Variants in DENND1B observed in about 807,000 individuals in gnomAD.
The protein encoded by DENND1B is DENN domain containing 1B, also known as DENN domain-containing protein 1B.
DENND1B carries 59 observed loss-of-function variants against 90.1 expected under a neutral mutation model. The observed-to-expected ratio is 0.65, with a 90% confidence interval of 0.53 to 0.81. The LOEUF (loss-of-function observed/expected upper bound fraction) is 0.81. DENND1B is among the 40% of genes least tolerant of loss of function. The pLI, the probability that DENND1B is intolerant of heterozygous loss-of-function variation, is 0.00. For synonymous variants in DENND1B, 337 were observed against 324.6 expected (o/e 1.04, Z -0.41); for missense variants, 862 against 912.6 (o/e 0.94, Z 0.71).
chr1:197,759,733 A>T (rs1654778546), intron 2 of DENND1B, among the ~76,000 whole-genome samples: 1 of 114,768 alleles, frequency 8.7e-6, no homozygotes, highest in Admixed American at 1.1e-4. Flanking sequence ...ATTGAGCAAG[A>T]CTCCGTCTCA....
At chr1:197,728,671 C>A (rs1361479092) in intron 2 of DENND1B, among the ~76,000 whole-genome samples, 2 of 152,096 alleles carry the variant, frequency 1.3e-5, no homozygotes, top group Non-Finnish European at 2.9e-5. Flanking sequence ...ATTCTTATTG[C>A]CTAATTAGTC....
At chr1:197,774,574 A>G (rs1657026625) in intron 1 of DENND1B, 1 of 152,324 alleles carries the variant, frequency 6.6e-6, no homozygotes, top group South Asian at 2.1e-4. Flanking sequence ...TGCAAGAACC[A>G]TGCATCTACA....
At chr1:197,593,666 C>T (rs1675436188) in intron 14 of DENND1B, among the ~76,000 whole-genome samples, 1 of 151,952 alleles carries the variant, frequency 6.6e-6, no homozygotes, top group Non-Finnish European at 1.5e-5. Context: ...CAGCACCCAA[C>T]AAACTGATAG....
intron 2 of DENND1B, among the ~76,000 whole-genome samples, chr1:197,748,128 A>C (rs935594452): frequency 6.6e-5 from 10 of 152,194 alleles, no homozygotes; most frequent in African/African-American, 9.6e-5. Context: ...TCCATCAAAA[A>C]TTTGATTGCC....
chr1:197,690,062 G>C, intron 3 of DENND1B: 1 of 173,604 alleles, frequency 5.8e-6, no homozygotes, highest in Non-Finnish European at 1.2e-5. Context: ...GGCTAGTGGA[G>C]ACTGCTATTC....
chr1:197,639,414 A>G (rs1680082800), intron 10 of DENND1B, among the ~76,000 whole-genome samples: 1 of 152,162 alleles, frequency 6.6e-6, no homozygotes, highest in Admixed American at 6.5e-5. Context: ...AGGAACCTCA[A>G]GCTAGCTGAT....
At chr1:197,751,242 C>T (rs1653467539) in intron 2 of DENND1B, among the ~76,000 whole-genome samples, 1 of 152,076 alleles carries the variant, frequency 6.6e-6, no homozygotes, top group South Asian at 2.1e-4. Context: ...TGTTCTCTGA[C>T]CTAAATCAAA....
intron 15 of DENND1B, among the ~76,000 whole-genome samples, chr1:197,577,199 C>G (rs996391562): frequency 2.0e-5 from 3 of 152,074 alleles, no homozygotes; most frequent in Admixed American, 6.6e-5. Context: ...TTCTATAACT[C>G]AGACATGAAC....
intron 3 of DENND1B, among the ~76,000 whole-genome samples, chr1:197,707,654 T>C (rs1659711308): frequency 6.8e-6 from 1 of 146,758 alleles, no homozygotes; most frequent in African/African-American, 2.5e-5. Context: ...TATACATATA[T>C]TATATACATA....
At chr1:197,560,478 G>A (rs1046424485) in intron 15 of DENND1B, among the ~76,000 whole-genome samples, 1 of 151,846 alleles carries the variant, frequency 6.6e-6, no homozygotes, top group Non-Finnish European at 1.5e-5. Flanking sequence ...TCTAGGGCAA[G>A]GAACTTTCTA....
chr1:197,558,202 GA>G (rs1671869470), intron 15 of DENND1B, among the ~76,000 whole-genome samples: 1 of 150,546 alleles, frequency 6.6e-6, no homozygotes, highest in African/African-American at 2.4e-5. Context: ...TATTCCAAAA[GA>G]AAAAAATTAA....
upstream of DENND1B, among the ~76,000 whole-genome samples, chr1:197,777,180 A>AT (rs1657312481): frequency 6.6e-6 from 1 of 152,154 alleles, no homozygotes; most frequent in South Asian, 2.1e-4. Flanking sequence ...CATTATAATT[A>AT]ATTATTTCCA....
intron 15 of DENND1B, among the ~76,000 whole-genome samples, chr1:197,558,576 A>AAC (rs2125697798): frequency 6.6e-6 from 1 of 151,844 alleles, no homozygotes; most frequent in Admixed American, 6.6e-5. Flanking sequence ...ACATCAAAAT[A>AAC]ATATATATAT....
chr1:197,615,721 A>G (rs562805144), intron 11 of DENND1B, among the ~76,000 whole-genome samples: 5 of 151,014 alleles, frequency 3.3e-5, no homozygotes, highest in African/African-American at 1.2e-4. Flanking sequence ...TAATTATATT[A>G]TATTACTCCG....
At chr1:197,671,899 G>T in intron 5 of DENND1B, 138 bp downstream of exon 5, 1 of 837,772 alleles carries the variant, frequency 1.2e-6, no homozygotes, top group Non-Finnish European at 1.7e-6. Context: ...AACTGATTCT[G>T]TATACAGAAA....
At chr1:197,551,587 T>G (rs1671246707) in intron 16 of DENND1B, among the ~76,000 whole-genome samples, 1 of 152,102 alleles carries the variant, frequency 6.6e-6, no homozygotes, top group Admixed American at 6.6e-5. Flanking sequence ...TATTCAGAGG[T>G]ACCTGGACCA....
At chr1:197,699,224 G>A (rs1258685518) in intron 3 of DENND1B, among the ~76,000 whole-genome samples, 1 of 152,182 alleles carries the variant, frequency 6.6e-6, no homozygotes, top group Non-Finnish European at 1.5e-5. Context: ...GATCAAGTGA[G>A]CTTCATCCCT....
chr1:197,661,452 C>G (rs1362120714), intron 5 of DENND1B, among the ~76,000 whole-genome samples: 1 of 151,934 alleles, frequency 6.6e-6, no homozygotes, highest in Non-Finnish European at 1.5e-5. Context: ...CAGACAATTT[C>G]AATGTGTCAT....
chr1:197,691,514 T>C (rs898469494), intron 3 of DENND1B, among the ~76,000 whole-genome samples: 9 of 151,896 alleles, frequency 5.9e-5, no homozygotes, highest in African/African-American at 1.9e-4. Flanking sequence ...ATACTGTTGG[T>C]GGGAATATCA....
Sources: allele counts gnomAD v4.1 joint callset (sites outside exome capture counted in the v4.1 genomes callset), GRCh38; gene constraint gnomAD v4.1.1; transcripts MANE v1.5; gene names NCBI Gene and HGNC (gene_info 2026-07-23, HGNC 2026-07-21).